VPS13B: variants seen among roughly 807,000 people sequenced by gnomAD.
The protein encoded by VPS13B is vacuolar protein sorting 13 homolog B, also known as intermembrane lipid transfer protein VPS13B.
A neutral mutation model predicts 426.4 loss-of-function variants in VPS13B; 285 were observed. The ratio of observed to expected loss-of-function variants is 0.67; its 90% CI spans 0.61 to 0.74. The LOEUF (loss-of-function observed/expected upper bound fraction) is 0.74, where lower values mean the gene tolerates loss of function less well. Ranked by LOEUF, VPS13B falls within the 30% of genes least tolerant of loss-of-function variation. VPS13B has a pLI of 0.00. For missense variants in VPS13B, 4,537 were observed against 4,782.6 expected (o/e 0.95, Z 1.51); for synonymous variants, 1,676 against 1,676.4 (o/e 1.00, Z 0.01).
At position 99,368,851 on chromosome 8, in the gene VPS13B, T is replaced by C. The variant is rs996025972; in HGVS notation, c.2825-15357T>C. Among the ~76,000 whole-genome samples, 37 of 152,356 alleles carry C rather than the reference T, an allele frequency of 2.4e-4. 1 individual carries two copies. Among genetic ancestry groups the C allele is most frequent in the African/African-American group, 8.7e-4 (36 of 41,598 alleles). ...AGAATAAAAGATTAACTCCCTAGAA[T>C]GGGCATTCATGATCTAGCCATATTC... On this transcript the variant is annotated intron_variant, in intron 19 of 61. Transcript: ENST00000357162.
intron 3 of VPS13B, among the ~76,000 whole-genome samples, chr8:99,039,520 T>C (rs1842884619): frequency 6.6e-6 from 1 of 151,706 alleles, no homozygotes; most frequent in Non-Finnish European, 1.5e-5. Context: ...AGAAGAGTAG[T>C]GTGTCTGTCA....
At chr8:99,149,381 A>C (rs1281876450) in intron 14 of VPS13B, among the ~76,000 whole-genome samples, 1 of 152,170 alleles carries the variant, frequency 6.6e-6, no homozygotes, top group Non-Finnish European at 1.5e-5. Context: ...GCAGTGGTGA[A>C]ATCTCAGTTC....
intron 39 of VPS13B, among the ~76,000 whole-genome samples, chr8:99,734,999 T>G (rs1833762934): frequency 6.6e-6 from 1 of 152,118 alleles, no homozygotes; most frequent in Admixed American, 6.5e-5. Flanking sequence ...CATTTAAAAT[T>G]TAAGGTTTTG....
intron 54 of VPS13B, among the ~76,000 whole-genome samples, chr8:99,836,855 A>G (rs367643599): frequency 6.6e-6 from 1 of 152,238 alleles, no homozygotes; most frequent in Non-Finnish European, 1.5e-5. Context: ...CAGCCATACA[A>G]GTTAGTGACT....
intron 19 of VPS13B, among the ~76,000 whole-genome samples, chr8:99,360,208 CTCTTTCTTTCTTTCTT>C (rs796374954): frequency 1.5e-4 from 3 of 20,630 alleles, no homozygotes; most frequent in African/African-American, 6.3e-4. Context: ...CTCTCTCTCT[CTCTTTCTTTCTTTCTT>C]TCTTTCTTTC....
intron 30 of VPS13B, among the ~76,000 whole-genome samples, chr8:99,539,688 T>C (rs921047559): frequency 6.6e-6 from 1 of 152,032 alleles, no homozygotes; most frequent in Admixed American, 6.6e-5. Flanking sequence ...CAATGAGCTA[T>C]GATCATGCCA....
At chr8:99,353,313 T>C (rs1450802131) in intron 19 of VPS13B, among the ~76,000 whole-genome samples, 1 of 152,152 alleles carries the variant, frequency 6.6e-6, no homozygotes, top group Non-Finnish European at 1.5e-5. Flanking sequence ...CAACCATGTA[T>C]CAGTCCTTGG....
chr8:99,408,429 G>A (rs191081179), intron 21 of VPS13B, among the ~76,000 whole-genome samples: 65 of 152,200 alleles, frequency 4.3e-4, no homozygotes, highest in African/African-American at 1.3e-3. Context: ...AGGATGTATG[G>A]TGTAACAGAG....
chr8:99,735,816 C>G (rs1017379919), intron 39 of VPS13B, among the ~76,000 whole-genome samples: 1 of 152,118 alleles, frequency 6.6e-6, no homozygotes, highest in African/African-American at 2.4e-5. Context: ...AGTGGTATCA[C>G]GTCTGCAGAA....
intron 15 of VPS13B, among the ~76,000 whole-genome samples, chr8:99,164,239 A>T (rs1276480497): frequency 1.3e-5 from 2 of 152,298 alleles, no homozygotes; most frequent in East Asian, 1.9e-4. Context: ...GGTTAGAAAT[A>T]CAGGGCCCAA....
intron 3 of VPS13B, among the ~76,000 whole-genome samples, chr8:99,084,199 G>A (rs928201958): frequency 1.4e-3 from 209 of 152,110 alleles, no homozygotes; most frequent in Non-Finnish European, 2.0e-3. Context: ...GGTGTGTCGA[G>A]GAATTTATCC....
chr8:99,618,276 A>G (rs1828193182), intron 33 of VPS13B, among the ~76,000 whole-genome samples: 1 of 135,124 alleles, frequency 7.4e-6, no homozygotes, highest in Admixed American at 8.4e-5. Flanking sequence ...CTTCATGTGT[A>G]TATTTCAAAA....
At chr8:99,133,224 G>T (rs557560146) in intron 8 of VPS13B, among the ~76,000 whole-genome samples, 4 of 152,260 alleles carry the variant, frequency 2.6e-5, no homozygotes, top group South Asian at 2.1e-4. Flanking sequence ...CGCTTTTATG[G>T]TATGGAGACG....
At chr8:99,022,245 A>G (rs80323474) in intron 2 of VPS13B, among the ~76,000 whole-genome samples, 7 of 151,384 alleles carry the variant, frequency 4.6e-5, no homozygotes, top group African/African-American at 1.5e-4. Context: ...ACTCAAATAT[A>G]TATATATAAT....
intron 35 of VPS13B, among the ~76,000 whole-genome samples, chr8:99,664,462 C>T (rs777336929): frequency 2.6e-5 from 4 of 151,888 alleles, no homozygotes; most frequent in Non-Finnish European, 5.9e-5. Flanking sequence ...TGCTATCCCT[C>T]CCCCTGACCC....
chr8:99,696,887 G>T, intron 35 of VPS13B: 1 of 787,588 alleles, frequency 1.3e-6, no homozygotes, highest in Non-Finnish European at 2.3e-6. Flanking sequence ...CAACTTCTGC[G>T]GTTCCAGCTC....
chr8:99,621,407 C>T (rs1245248900), intron 33 of VPS13B, among the ~76,000 whole-genome samples: 1 of 152,182 alleles, frequency 6.6e-6, no homozygotes, highest in Non-Finnish European at 1.5e-5. Flanking sequence ...TCTTTTCCCT[C>T]CCCTGCTATA....
chr8:99,409,118 C>T (rs1815485341), intron 21 of VPS13B, among the ~76,000 whole-genome samples: 1 of 152,086 alleles, frequency 6.6e-6, no homozygotes, highest in Admixed American at 6.6e-5. Context: ...CTCTGAGGAT[C>T]CTTAGGGCCT....
At chr8:99,104,258 A>G (rs2132458563) in intron 5 of VPS13B, among the ~76,000 whole-genome samples, 1 of 152,326 alleles carries the variant, frequency 6.6e-6, no homozygotes, top group South Asian at 2.1e-4. Flanking sequence ...CAGAAAAGGT[A>G]TAGTAAAAAT....
Sources: allele counts gnomAD v4.1 joint callset (sites outside exome capture counted in the v4.1 genomes callset), GRCh38; gene constraint gnomAD v4.1.1; transcripts MANE v1.5; gene names NCBI Gene and HGNC (gene_info 2026-07-23, HGNC 2026-07-21).